The following CNTN4 variants were observed in gnomAD, a reference collection of about 807,000 sequenced individuals.
CNTN4 encodes contactin-4.
A neutral mutation model predicts 122.5 loss-of-function variants in CNTN4; 77 were observed. The observed-to-expected ratio is 0.63, with a 90% CI of 0.52 to 0.76. The LOEUF (loss-of-function observed/expected upper bound fraction) is 0.76, where lower values mean the gene tolerates loss of function less well. CNTN4 is among the 30% of genes least tolerant of loss of function. CNTN4 has a pLI of 0.00. For missense variants in CNTN4, 1,256 were observed against 1,259.1 expected, an observed-to-expected ratio of 1.00 and a Z score of 0.04; for synonymous variants, 512 against 447.0, an observed-to-expected ratio of 1.15 and a Z score of -1.83.
intron 3 of CNTN4, among the ~76,000 whole-genome samples, chr3:2,444,999 T>TAA (rs530580099): frequency 2.9e-5 from 4 of 137,936 alleles, no homozygotes; most frequent in Admixed American, 7.2e-5. Flanking sequence ...TCTTACTATG[T>TAA]AAAAAAAAAA....
chr3:2,125,453 A>G (rs3922486), intron 2 of CNTN4, among the ~76,000 whole-genome samples: 34,570 of 151,866 alleles, frequency 0.23, 4,866 homozygotes, highest in Admixed American at 0.33. Flanking sequence ...GTAAACTCCA[A>G]TGATCATGGG....
chr3:2,774,652 A>T (rs1400012890), intron 6 of CNTN4, among the ~76,000 whole-genome samples: 1 of 152,156 alleles, frequency 6.6e-6, no homozygotes, highest in African/African-American at 2.4e-5. Flanking sequence ...ACCTAGCAGG[A>T]TGGGACAGCA....
intron 3 of CNTN4, chr3:2,511,243 T>G (rs948198324): frequency 1.3e-5 from 2 of 152,234 alleles, no homozygotes; most frequent in African/African-American, 4.8e-5. Flanking sequence ...GAAAGAAGCC[T>G]TAATCTCCAT....
At chr3:2,407,502 A>G (rs2047080857) in intron 3 of CNTN4, among the ~76,000 whole-genome samples, 1 of 152,178 alleles carries the variant, frequency 6.6e-6, no homozygotes, top group Admixed American at 6.5e-5. Flanking sequence ...AAAATGCCTC[A>G]AAACATATAA....
rs1288624300 is a variant in CNTN4, at chr3:2,619,567, A to T, written c.55+48009A>T. 2.0e-5 allele frequency among the ~76,000 whole-genome samples: 3 copies of T among 152,182 alleles called. No homozygotes were observed. The South Asian group carries it at 6.2e-4, about 32-fold the overall frequency. On this transcript the variant is annotated intron_variant, in intron 4 of 24. Coordinates refer to ENST00000418658, the MANE Select transcript of CNTN4 (RefSeq NM_175607.3). ...GACAAAGGGTGGCTGTTGGATCATA[A>T]TTGTAAAATGATGGACATCAGAAGA...
intron 14 of CNTN4, among the ~76,000 whole-genome samples, chr3:3,007,927 C>T (rs763239445): frequency 6.6e-6 from 1 of 152,140 alleles, no homozygotes; most frequent in Non-Finnish European, 1.5e-5. Flanking sequence ...CACATGTCAA[C>T]AATAAAGTCA....
intron 3 of CNTN4, among the ~76,000 whole-genome samples, chr3:2,373,885 C>G (rs1306221254): frequency 6.6e-6 from 1 of 152,162 alleles, no homozygotes; most frequent in African/African-American, 2.4e-5. Context: ...TTCATTGCAA[C>G]AGCACGGAAT....
rs370506181 is a variant in CNTN4, at chr3:2,994,613, A to ATATATATATG, written c.1486+6142_1486+6143insATATATATGT. 3.6e-3 allele frequency among the ~76,000 whole-genome samples: 506 copies of ATATATATATG among 142,216 alleles called. 5 individuals carry two copies. Among genetic ancestry groups the ATATATATATG allele is most frequent in the African/African-American group, 0.013 (492 of 38,272 alleles). The allele number at this position is 142,216 out of a possible 152,430, so 93.3% of individuals were successfully genotyped here. A position where few individuals can be genotyped will look rare whatever the true frequency, so the allele number is the denominator to read the frequency against. On this transcript the variant is annotated intron_variant, in intron 14 of 24. Coordinates refer to ENST00000418658, the MANE Select transcript of CNTN4 (RefSeq NM_175607.3). Reference sequence around the variant, plus strand: ...TTTTTTCATATATATATATATATATATGTGTGTATATATATATTTGTACCA... The same window carrying ATATATATATG: ...TTTTTTCATATATATATATATATATATATATATATGTGTGTGTATATATATATTTGTACCA...
chr3:2,604,234 GCTAAT>G (rs144013196), intron 4 of CNTN4, among the ~76,000 whole-genome samples: 1,551 of 152,244 alleles, frequency 0.01, 19 homozygotes, highest in African/African-American at 0.035. Context: ...GCTTCATTAT[GCTAAT>G]CTGTTATTTT....
At chr3:2,720,824 C>T (rs527239561) in intron 4 of CNTN4, among the ~76,000 whole-genome samples, 2 of 152,290 alleles carry the variant, frequency 1.3e-5, no homozygotes, top group African/African-American at 4.8e-5. Context: ...ACACTTACAT[C>T]CTATAAACTG....
intron 2 of CNTN4, among the ~76,000 whole-genome samples, chr3:2,296,312 A>G (rs960861218): frequency 1.3e-5 from 2 of 152,176 alleles, no homozygotes; most frequent in African/African-American, 4.8e-5. Context: ...ACCCATGAGC[A>G]TGGAATGTTC....
chr3:3,002,112 G>A (rs1346294468), intron 14 of CNTN4, among the ~76,000 whole-genome samples: 1 of 152,216 alleles, frequency 6.6e-6, no homozygotes, highest in Non-Finnish European at 1.5e-5. Context: ...CAATGAAATA[G>A]GGAGAGTGTA....
chr3:3,034,846 G>A, intron 17 of CNTN4, 56 bp downstream of exon 17: 1 of 1,567,456 alleles, frequency 6.4e-7, no homozygotes, highest in African/African-American at 1.4e-5. Context: ...ACTGGACACA[G>A]CACTGTGGCA....
At chr3:2,931,582 G>A (rs1285495357) in intron 13 of CNTN4, among the ~76,000 whole-genome samples, 2 of 152,060 alleles carry the variant, frequency 1.3e-5, no homozygotes, top group African/African-American at 4.8e-5. Flanking sequence ...ATATTTTATA[G>A]TATTTGTCAC....
At chr3:2,913,035 C>A (rs2094318029) in intron 12 of CNTN4, among the ~76,000 whole-genome samples, 1 of 152,262 alleles carries the variant, frequency 6.6e-6, no homozygotes, top group South Asian at 2.1e-4. Context: ...GCCTGTAATC[C>A]CAGCTACTCA....
intron 4 of CNTN4, among the ~76,000 whole-genome samples, chr3:2,644,842 T>C (rs2083049853): frequency 6.7e-6 from 1 of 148,306 alleles, no homozygotes; most frequent in South Asian, 2.2e-4. Flanking sequence ...CTAACTGATG[T>C]CAAGAAAAGC....
chr3:2,239,334 G>A (rs1329414254), intron 2 of CNTN4, among the ~76,000 whole-genome samples: 1 of 152,158 alleles, frequency 6.6e-6, no homozygotes, highest in African/African-American at 2.4e-5. Flanking sequence ...TAATTAATGA[G>A]TATAACATTG....
intron 6 of CNTN4, among the ~76,000 whole-genome samples, chr3:2,797,034 T>C (rs888434285): frequency 2.6e-5 from 4 of 152,162 alleles, no homozygotes; most frequent in Non-Finnish European, 4.4e-5. Flanking sequence ...AGAGTCTTGC[T>C]CTGTCACCCA....
intron 2 of CNTN4, among the ~76,000 whole-genome samples, chr3:2,278,766 G>T (rs544127210): frequency 4.7e-4 from 71 of 149,684 alleles, no homozygotes; most frequent in African/African-American, 1.7e-3. Context: ...TTGTAAAATG[G>T]CCATTAAACA....
Sources: gnomAD v4.1 joint callset for allele counts (sites outside exome capture counted in the v4.1 genomes callset) on GRCh38, gnomAD v4.1.1 for gene constraint, MANE v1.5 for transcripts, NCBI Gene and HGNC (gene_info 2026-07-23, HGNC 2026-07-21) for gene names.